COP1: variants seen among roughly 807,000 people sequenced by gnomAD.
COP1 encodes the protein COP1 E3 ubiquitin ligase, also known as E3 ubiquitin-protein ligase COP1.
In COP1, 24 loss-of-function variants were observed where a neutral mutation model predicts 101.3. That is an observed-to-expected ratio of 0.24 (90% CI 0.17 to 0.33). The LOEUF (loss-of-function observed/expected upper bound fraction) is 0.33. COP1 is among the 10% of genes least tolerant of loss of function. The pLI, the probability that COP1 is intolerant of heterozygous loss-of-function variation, is 1.00. For missense variants in COP1, 663 were observed against 906.2 expected (o/e 0.73, Z 3.45); for synonymous variants, 347 against 341.9 (o/e 1.01, Z -0.17).
At chr1:175,966,219 C>T (rs990330483) in intron 18 of COP1, among the ~76,000 whole-genome samples, 1 of 151,952 alleles carries the variant, frequency 6.6e-6, no homozygotes, top group African/African-American at 2.4e-5. Context: ...TTAGCCTTCC[C>T]TGCATTCTAT....
At chr1:176,203,641 G>A (rs752999054) in intron 1 of COP1, among the ~76,000 whole-genome samples, 3 of 152,144 alleles carry the variant, frequency 2.0e-5, no homozygotes. Context: ...CCAATGTCAA[G>A]CTAAATACTA....
At chr1:176,027,187 A>G (rs1174667535) in intron 15 of COP1, among the ~76,000 whole-genome samples, 1 of 152,204 alleles carries the variant, frequency 6.6e-6, no homozygotes, top group Non-Finnish European at 1.5e-5. Flanking sequence ...CTCAATAAAT[A>G]ATTGTTGAAA....
intron 13 of COP1, among the ~76,000 whole-genome samples, 156 bp downstream of exon 13, chr1:176,043,554 G>GA (rs1370411110): frequency 3.3e-5 from 5 of 151,528 alleles, no homozygotes; most frequent in Non-Finnish European, 4.4e-5. Flanking sequence ...TGGGAGACAG[G>GA]AAAAAAAAGC....
At chr1:176,007,924 C>T (rs1308890074) in intron 15 of COP1, among the ~76,000 whole-genome samples, 6 of 152,322 alleles carry the variant, frequency 3.9e-5, no homozygotes, top group South Asian at 4.1e-4. Context: ...TGGGTAATGG[C>T]GGGCGCCCCT....
rs539178807 is a variant in COP1 at position 176,102,321 on chromosome 1, A to G, written c.1026+14303T>C. On this transcript the variant is annotated intron_variant, in intron 9 of 19. Transcript: ENST00000367669. The stretch of plus-strand genomic sequence containing the variant: ...CACCCTTGTACGTGCCTGCAAGCCT[A>G]ATCTTTCCCATTCGTGTGACAAGAG... Among the ~76,000 whole-genome samples, 38 of 152,274 alleles carry G rather than the reference A, an allele frequency of 2.5e-4. No homozygotes were observed. In the South Asian group the frequency reaches 7.5e-3, roughly 30 times the overall value.
chr1:176,157,104 AG>A (rs1450542468), intron 5 of COP1, among the ~76,000 whole-genome samples: 2 of 152,098 alleles, frequency 1.3e-5, no homozygotes, highest in Non-Finnish European at 2.9e-5. Context: ...AGGCTGAGGC[AG>A]GAGAATCTCT....
At chr1:175,960,913 G>C (rs1302295829) in intron 18 of COP1, among the ~76,000 whole-genome samples, 2 of 152,164 alleles carry the variant, frequency 1.3e-5, no homozygotes, top group African/African-American at 4.8e-5. Flanking sequence ...TGTGTGAGTC[G>C]GTTGACTGAG....
intron 9 of COP1, among the ~76,000 whole-genome samples, chr1:176,092,620 G>A (rs1266898338): frequency 3.3e-5 from 5 of 152,080 alleles, no homozygotes; most frequent in Non-Finnish European, 7.4e-5. Context: ...GTTTTATAGT[G>A]GCAGGAAAAT....
At chr1:176,062,885 A>G (rs901429726) in intron 11 of COP1, among the ~76,000 whole-genome samples, 4 of 152,314 alleles carry the variant, frequency 2.6e-5, no homozygotes, top group Admixed American at 2.6e-4. Flanking sequence ...GAAATAAGCT[A>G]GACACAAAAG....
intron 5 of COP1, chr1:176,160,257 T>A (rs1276788881): frequency 1.4e-4 from 2 of 14,378 alleles, no homozygotes; most frequent in East Asian, 6.9e-3. Context: ...ACACACATCT[T>A]TTTTTTTTTT....
At chr1:176,016,944 A>G (rs530865752) in intron 15 of COP1, among the ~76,000 whole-genome samples, 1 of 152,236 alleles carries the variant, frequency 6.6e-6, no homozygotes. Context: ...GAAGCTAATC[A>G]AAAGTATGCA....
At chr1:176,176,971 A>AT (rs1697038955) in intron 2 of COP1, among the ~76,000 whole-genome samples, 1 of 152,160 alleles carries the variant, frequency 6.6e-6, no homozygotes, top group African/African-American at 2.4e-5. Flanking sequence ...CCTTTTGAAT[A>AT]TTTTACTTCT....
At chr1:176,083,339 G>T (rs1200289875) in intron 10 of COP1, among the ~76,000 whole-genome samples, 1 of 152,110 alleles carries the variant, frequency 6.6e-6, no homozygotes, top group Non-Finnish European at 1.5e-5. Context: ...TAATAATCCT[G>T]TTCTAGGCTA....
chr1:175,972,755 T>C (rs1558184877), intron 18 of COP1, among the ~76,000 whole-genome samples: 1 of 151,364 alleles, frequency 6.6e-6, no homozygotes, highest in South Asian at 2.1e-4. Context: ...TGTAAGCCAC[T>C]GCTCCCAGCC....
intron 8 of COP1, among the ~76,000 whole-genome samples, chr1:176,117,578 ATTC>A (rs1181041454): frequency 2.0e-5 from 3 of 152,154 alleles, no homozygotes; most frequent in Non-Finnish European, 2.9e-5. Context: ...CTTTTTGTAA[ATTC>A]TTCTTCTCTA....
Position 175,947,348 on chromosome 1 carries a change from T to C in COP1, c.2134-109A>G, listed in dbSNP as rs190887288. Reference sequence around the variant, plus strand: ...TTCTTCACTTCAATTCCTAAGACAATTGAATCTAATATGAAGATACAATTT... The same window carrying C: ...TTCTTCACTTCAATTCCTAAGACAACTGAATCTAATATGAAGATACAATTT... On this transcript the variant is annotated intron_variant, in intron 18 of 19. Coordinates refer to ENST00000367669, the MANE Select transcript of COP1 (RefSeq NM_022457.7). 3.8e-4 allele frequency: 301 copies of C among 781,866 alleles called. No homozygotes were observed. The African/African-American group carries it at 4.5e-3, about 12-fold the overall frequency. The allele number at this position is 781,866 out of a possible 1,614,324, so 48.4% of individuals were successfully genotyped here.
intron 9 of COP1, 27 bp from the exon 10 acceptor site, chr1:176,085,917 C>T: frequency 7.6e-7 from 1 of 1,317,006 alleles, no homozygotes; most frequent in East Asian, 2.3e-5. Flanking sequence ...AGACACAAAA[C>T]TTAGAATAAA....
chr1:176,143,275 C>A (rs1691037060), intron 6 of COP1, among the ~76,000 whole-genome samples: 1 of 152,036 alleles, frequency 6.6e-6, no homozygotes, highest in African/African-American at 2.4e-5. Flanking sequence ...ATGACATAAA[C>A]AATGACTAGA....
intron 15 of COP1, among the ~76,000 whole-genome samples, chr1:176,010,923 T>C (rs769502564): frequency 2.0e-5 from 3 of 152,222 alleles, no homozygotes; most frequent in South Asian, 2.1e-4. Context: ...TAAAATTGTC[T>C]ATATTAACAT....
Sources: gnomAD v4.1 joint callset for allele counts (sites outside exome capture counted in the v4.1 genomes callset) on GRCh38, gnomAD v4.1.1 for gene constraint, MANE v1.5 for transcripts, NCBI Gene and HGNC (gene_info 2026-07-23, HGNC 2026-07-21) for gene names.